The following PCNX2 variants were observed in gnomAD, a reference collection of about 807,000 sequenced individuals.
The protein encoded by PCNX2 is pecanex 2.
A neutral mutation model predicts 223.8 loss-of-function variants in PCNX2; 168 were observed. That is an observed-to-expected ratio of 0.75 (90% CI 0.66 to 0.85). The LOEUF (loss-of-function observed/expected upper bound fraction) is 0.85. PCNX2 is among the 40% of genes least tolerant of loss of function. PCNX2 has a pLI of 0.00. For synonymous variants in PCNX2, 1,006 were observed against 1,052.6 expected (o/e 0.96, Z 0.86); for missense variants, 2,507 against 2,675.5 (o/e 0.94, Z 1.39).
At chr1:233,234,341 A>G (rs1658258287) in intron 9 of PCNX2, among the ~76,000 whole-genome samples, 1 of 152,244 alleles carries the variant, frequency 6.6e-6, no homozygotes, top group Admixed American at 6.5e-5. Flanking sequence ...CTTAGGGTCT[A>G]AACATGAGCC....
At chr1:233,255,436 A>G (rs887363864) in intron 5 of PCNX2, among the ~76,000 whole-genome samples, 2 of 152,186 alleles carry the variant, frequency 1.3e-5, no homozygotes, top group African/African-American at 4.8e-5. Context: ...GCTGAACCCA[A>G]GCGATGACCG....
intron 17 of PCNX2, among the ~76,000 whole-genome samples, chr1:233,163,304 T>G (rs1473933175): frequency 6.6e-6 from 1 of 151,606 alleles, no homozygotes; most frequent in East Asian, 2.0e-4. Context: ...TGGCCAAACA[T>G]GATGAAACCT....
At chr1:233,086,090 T>C (rs1673587308) in intron 23 of PCNX2, among the ~76,000 whole-genome samples, 1 of 152,222 alleles carries the variant, frequency 6.6e-6, no homozygotes, top group Non-Finnish European at 1.5e-5. Flanking sequence ...CAGGACAACT[T>C]CATGGCAGAG....
At chr1:233,005,804 T>C (rs1366417610) in intron 28 of PCNX2, among the ~76,000 whole-genome samples, 2 of 152,172 alleles carry the variant, frequency 1.3e-5, no homozygotes, top group Admixed American at 1.3e-4. Flanking sequence ...CAAAGCTCTA[T>C]GGAGAAATGA....
intron 1 of PCNX2, among the ~76,000 whole-genome samples, chr1:233,264,658 A>G (rs771127139): frequency 1.3e-5 from 2 of 152,214 alleles, no homozygotes; most frequent in African/African-American, 2.4e-5. Context: ...AAGTGACGGA[A>G]TAACTATATA....
At chr1:233,098,914 C>A (rs974401049) in intron 21 of PCNX2, among the ~76,000 whole-genome samples, 2 of 152,188 alleles carry the variant, frequency 1.3e-5, no homozygotes, top group Non-Finnish European at 1.5e-5. Flanking sequence ...TAGAACAGTG[C>A]CTGGCAAACA....
chr1:232,984,502 TGA>T (rs758789612), intron 33 of PCNX2, 25 bp from the exon 34 acceptor site: 69 of 1,605,976 alleles, frequency 4.3e-5, no homozygotes, highest in Non-Finnish European at 5.9e-5. Flanking sequence ...AGAGAAACAG[TGA>T]ACAGCTCAGC....
rs376157021 is a variant in PCNX2 at position 232,986,482 on chromosome 1, C to A, written c.5850G>T (p.Pro1950=). Residue 1950 remains proline (P), a synonymous_variant, in exon 33 of 34, where the codon CCG becomes CCT. Coordinates refer to ENST00000258229, the MANE Select transcript of PCNX2 (RefSeq NM_014801.4). ...TGGGGCCAGATGAGCTCAGCATGGG[C>A]GGCCTTTGGCTTAGCGCTGAGTGTG... is the stretch of plus-strand genomic sequence containing the variant. ...VQAHSALSQR[P]PMLSSSGPIL... 3.3e-5 allele frequency: 53 copies of A among 1,593,012 alleles called. No individual in the cohort carries two copies. In the African/African-American group the frequency reaches 5.6e-4, roughly 17 times the overall value.
At chr1:233,122,169 G>A (rs992356348) in intron 21 of PCNX2, among the ~76,000 whole-genome samples, 1 of 151,510 alleles carries the variant, frequency 6.6e-6, no homozygotes, top group Non-Finnish European at 1.5e-5. Context: ...GCTGCCAACT[G>A]GAGAGCTCCA....
chr1:233,017,124 T>A lies in PCNX2; in HGVS notation c.4636A>T (p.Lys1546Ter). The change falls in exon 27 of 34, where the codon AAA becomes TAA. Residue 1546 changes from lysine to a stop codon, truncating the protein, a stop_gained. Transcript: ENST00000258229. LOFTEE classifies it high-confidence loss of function. Reference sequence around the variant, plus strand: ...TCATTTTTGATCCAGGAGAGGAGTTTGGGAGACGTTACCATATAGTATATT... The same window carrying A: ...TCATTTTTGATCCAGGAGAGGAGTTAGGGAGACGTTACCATATAGTATATT... ...SIIYYMVTSP[K>*]LLSWIKNESL... is the part of the protein sequence containing the mutation. 1.9e-6 allele frequency: 3 copies of A among 1,612,258 alleles called. No homozygotes were observed. The highest frequency in any genetic ancestry group is 1.7e-5 in the Admixed American group (1 of 60,016).
At chr1:232,998,997 G>A in intron 31 of PCNX2, 108 bp downstream of exon 31, 2 of 1,292,164 alleles carry the variant, frequency 1.5e-6, no homozygotes, top group Non-Finnish European at 2.1e-6. Flanking sequence ...TTAATCATAT[G>A]AGAAAATGGT....
At chr1:233,101,250 AG>A (rs1674471974) in intron 21 of PCNX2, among the ~76,000 whole-genome samples, 1 of 152,238 alleles carries the variant, frequency 6.6e-6, no homozygotes, top group South Asian at 2.1e-4. Context: ...AAGAAGGAAT[AG>A]AAAAAGTAAA....
intron 27 of PCNX2, among the ~76,000 whole-genome samples, chr1:233,015,615 C>T (rs764260323): frequency 2.0e-5 from 3 of 152,104 alleles, no homozygotes; most frequent in Admixed American, 6.5e-5. Flanking sequence ...GTCGCTGGAA[C>T]CCGGGGGGCA....
At chr1:233,099,497 G>T (rs1674360579) in intron 21 of PCNX2, among the ~76,000 whole-genome samples, 1 of 152,122 alleles carries the variant, frequency 6.6e-6, no homozygotes, top group Non-Finnish European at 1.5e-5. Context: ...ATCTCAAAAC[G>T]GCCGACTGCT....
intron 10 of PCNX2, among the ~76,000 whole-genome samples, chr1:233,221,420 G>A (rs182251113): frequency 2.8e-4 from 42 of 152,082 alleles, no homozygotes; most frequent in African/African-American, 1.0e-3. Context: ...GGAGGGCAAA[G>A]AATAAGGTTC....
chr1:233,272,884 G>A (rs1375158435), intron 1 of PCNX2, among the ~76,000 whole-genome samples: 1 of 152,102 alleles, frequency 6.6e-6, no homozygotes, highest in Non-Finnish European at 1.5e-5. Context: ...TCTAAGTGAA[G>A]TAACTTAGGA....
intron 12 of PCNX2, among the ~76,000 whole-genome samples, chr1:233,216,017 A>C (rs1475134519): frequency 6.6e-6 from 1 of 152,250 alleles, no homozygotes; most frequent in Non-Finnish European, 1.5e-5. Context: ...TCACAGATTG[A>C]AAAATGGGTC....
chr1:232,989,270 C>T (rs1219953124), intron 32 of PCNX2, among the ~76,000 whole-genome samples: 2 of 152,062 alleles, frequency 1.3e-5, no homozygotes, highest in East Asian at 1.9e-4. Flanking sequence ...CTGGCTAACA[C>T]GGTGAAACCC....
intron 25 of PCNX2, among the ~76,000 whole-genome samples, chr1:233,052,798 T>A (rs1396137909): frequency 4.6e-5 from 7 of 152,178 alleles, no homozygotes; most frequent in Non-Finnish European, 1.5e-5. Flanking sequence ...TTCACCTGAA[T>A]GCCTCCACCA....
Sources: gnomAD v4.1 joint callset for allele counts (sites outside exome capture counted in the v4.1 genomes callset) on GRCh38, gnomAD v4.1.1 for gene constraint, MANE v1.5 for transcripts, NCBI Gene and HGNC (gene_info 2026-07-23, HGNC 2026-07-21) for gene names.